The following CTNNA2 variants were observed in gnomAD, a reference collection of about 807,000 sequenced individuals.
CTNNA2 encodes the protein catenin alpha 2.
Under a neutral mutation model 101.0 loss-of-function variants are expected in CTNNA2, and 42 were observed. The ratio of observed to expected loss-of-function variants is 0.42; its 90% CI spans 0.32 to 0.54. The LOEUF is 0.54. Ranked by LOEUF, CTNNA2 falls within the 20% of genes least tolerant of loss-of-function variation. The probability of loss-of-function intolerance (pLI) is 0.14; values close to 1 mark genes in which losing one functional copy is unlikely to be tolerated. For missense variants in CTNNA2, 871 were observed against 1,223.1 expected, an observed-to-expected ratio of 0.71 and a Z score of 4.29; for synonymous variants, 450 against 456.4, an observed-to-expected ratio of 0.99 and a Z score of 0.18.
intron 2 of CTNNA2, among the ~76,000 whole-genome samples, chr2:79,288,019 G>A (rs944691946): frequency 5.3e-5 from 8 of 152,212 alleles, no homozygotes; most frequent in South Asian, 2.1e-4. Flanking sequence ...TCCAGGTGCC[G>A]TCTGTCACCC....
intron 2 of CTNNA2, among the ~76,000 whole-genome samples, chr2:79,698,329 G>A (rs938839540): frequency 6.6e-6 from 1 of 152,010 alleles, no homozygotes; most frequent in Non-Finnish European, 1.5e-5. Flanking sequence ...TATTTAGACA[G>A]TAAATTGGAA....
chr2:80,124,964 G>A (rs533637520), intron 7 of CTNNA2, among the ~76,000 whole-genome samples: 1 of 152,262 alleles, frequency 6.6e-6, no homozygotes, highest in South Asian at 2.1e-4. Context: ...CAGAGGGGAA[G>A]ATTTAGCATG....
intron 2 of CTNNA2, among the ~76,000 whole-genome samples, chr2:79,664,423 A>AC (rs766509348): frequency 6.7e-4 from 102 of 152,206 alleles, no homozygotes; most frequent in Non-Finnish European, 1.3e-3. Context: ...GCACTGGAAT[A>AC]CAGGGACAAT....
chr2:79,638,569 T>A (rs1177150493), intron 1 of CTNNA2, among the ~76,000 whole-genome samples: 1 of 152,160 alleles, frequency 6.6e-6, no homozygotes, highest in African/African-American at 2.4e-5. Context: ...TGCAGGAGAA[T>A]CATTTCCCAC....
intron 7 of CTNNA2, among the ~76,000 whole-genome samples, chr2:80,265,536 C>T (rs1056530854): frequency 6.6e-6 from 1 of 152,140 alleles, no homozygotes; most frequent in Non-Finnish European, 1.5e-5. Flanking sequence ...TGTAAATGAT[C>T]AGAGTATAGT....
chr2:80,540,523 G>T (rs1691462195), intron 9 of CTNNA2, among the ~76,000 whole-genome samples: 1 of 151,764 alleles, frequency 6.6e-6, no homozygotes. Flanking sequence ...CTTGAACCTG[G>T]GAGGTGGAGG....
intron 3 of CTNNA2, among the ~76,000 whole-genome samples, chr2:79,771,940 G>C (rs933431947): frequency 6.6e-6 from 1 of 152,090 alleles, no homozygotes; most frequent in Non-Finnish European, 1.5e-5. Context: ...CCGTGTTAAA[G>C]ATGTAACAAT....
At position 79,631,806 on chromosome 2, in the gene CTNNA2, C is replaced by T. The variant is rs1338638142; in HGVS notation, c.-5-19746C>T. ...AAGGACCAAACCACTTGCTCCTTCA[C>T]CCCACTGCCTTACTGAAGCATGCCT... On this transcript the variant is annotated intron_variant, in intron 1 of 18. Transcript: ENST00000402739. Among the ~76,000 whole-genome samples the T allele has an allele frequency of 2.6e-5, 4 of 152,316 alleles. No individual in the cohort carries two copies. The East Asian group carries it at 5.8e-4, about 22-fold the overall frequency.
At chr2:79,602,351 T>TAA (rs1222437637) in intron 1 of CTNNA2, among the ~76,000 whole-genome samples, 2 of 149,270 alleles carry the variant, frequency 1.3e-5, no homozygotes, top group East Asian at 3.9e-4. Context: ...ATTCATGATT[T>TAA]AAAAAAAAAA....
chr2:80,111,480 A>G (rs376598658), intron 7 of CTNNA2, among the ~76,000 whole-genome samples: 94 of 152,308 alleles, frequency 6.2e-4, no homozygotes, highest in African/African-American at 2.0e-3. Context: ...TTACTTATAT[A>G]TAGAATGTGG....
intron 3 of CTNNA2, among the ~76,000 whole-genome samples, chr2:79,355,797 T>TC (rs1316145480): frequency 6.6e-6 from 1 of 152,168 alleles, no homozygotes; most frequent in Admixed American, 6.5e-5. Flanking sequence ...TAGGGTTGAG[T>TC]AACATTTCAC....
chr2:79,683,226 C>T (rs959934570), intron 2 of CTNNA2, among the ~76,000 whole-genome samples: 2 of 152,192 alleles, frequency 1.3e-5, no homozygotes, highest in Admixed American at 6.5e-5. Context: ...GGTTAATGGG[C>T]CCTGCTTTGA....
intron 7 of CTNNA2, among the ~76,000 whole-genome samples, chr2:80,306,568 A>G (rs965698423): frequency 6.6e-6 from 1 of 151,886 alleles, no homozygotes; most frequent in Non-Finnish European, 1.5e-5. Flanking sequence ...TGGCACCTCC[A>G]AGGTGCTGCG....
intron 7 of CTNNA2, among the ~76,000 whole-genome samples, chr2:80,308,697 A>C (rs1226278499): frequency 6.6e-6 from 1 of 152,244 alleles, no homozygotes; most frequent in African/African-American, 2.4e-5. Flanking sequence ...GGATAGCAAT[A>C]AGAAACTAAC....
At chr2:80,558,916 C>T (rs1429738816) in intron 12 of CTNNA2, among the ~76,000 whole-genome samples, 2 of 152,120 alleles carry the variant, frequency 1.3e-5, no homozygotes, top group Admixed American at 1.3e-4. Flanking sequence ...ACATGCTCAA[C>T]CTCTGTACTG....
At chr2:79,497,326 A>C (rs963543106) in intron 4 of CTNNA2, among the ~76,000 whole-genome samples, 1 of 152,084 alleles carries the variant, frequency 6.6e-6, no homozygotes, top group Non-Finnish European at 1.5e-5. Context: ...TATTGATTCA[A>C]TTACTTCTAG....
chr2:80,122,198 C>T (rs1402546881), intron 7 of CTNNA2, among the ~76,000 whole-genome samples: 3 of 151,578 alleles, frequency 2.0e-5, no homozygotes, highest in Admixed American at 6.6e-5. Context: ...CTCTCTCCCC[C>T]GTCCTGTTTC....
At chr2:79,475,587 C>A (rs1671042166) in intron 4 of CTNNA2, among the ~76,000 whole-genome samples, 1 of 152,020 alleles carries the variant, frequency 6.6e-6, no homozygotes, top group Non-Finnish European at 1.5e-5. Context: ...GAAGCATTAC[C>A]AATCCTATAA....
At position 79,629,125 on chromosome 2, in the gene CTNNA2, A is replaced by G. The variant is rs1679517936; in HGVS notation, c.-5-22427A>G. On this transcript the variant is annotated intron_variant, in intron 1 of 18. Transcript: ENST00000402739. Reference sequence around the variant, plus strand: ...CCTTATTGCTTCCCCTATGCCAGCCATATTGGCCCTCGTGTGGTTTCCCAA... The same window carrying G: ...CCTTATTGCTTCCCCTATGCCAGCCGTATTGGCCCTCGTGTGGTTTCCCAA... 4.6e-5 allele frequency among the ~76,000 whole-genome samples: 7 copies of G among 152,238 alleles called. No individual in the cohort carries two copies. In the South Asian group the frequency reaches 1.5e-3, roughly 32 times the overall value.
Sources: gnomAD v4.1 joint callset for allele counts (sites outside exome capture counted in the v4.1 genomes callset) on GRCh38, gnomAD v4.1.1 for gene constraint, MANE v1.5 for transcripts, NCBI Gene and HGNC (gene_info 2026-07-23, HGNC 2026-07-21) for gene names.